PITPNM3: variants seen among roughly 807,000 people sequenced by gnomAD.
PITPNM3 encodes PITPNM family member 3, also known as membrane-associated phosphatidylinositol transfer protein 3.
PITPNM3 carries 26 observed loss-of-function variants against 102.0 expected under a neutral mutation model. The observed-to-expected ratio is 0.25, with a 90% CI of 0.19 to 0.35. The LOEUF (loss-of-function observed/expected upper bound fraction) is 0.35, where lower values mean the gene tolerates loss of function less well. PITPNM3 is among the 10% of genes least tolerant of loss of function. PITPNM3 has a pLI of 1.00. For missense variants in PITPNM3, 1,083 were observed against 1,346.1 expected, an observed-to-expected ratio of 0.80 and a Z score of 3.06; for synonymous variants, 578 against 558.6, an observed-to-expected ratio of 1.03 and a Z score of -0.49.
intron 1 of PITPNM3, among the ~76,000 whole-genome samples, chr17:6,543,080 T>C (rs1283196569): frequency 6.6e-6 from 1 of 152,142 alleles, no homozygotes; most frequent in East Asian, 1.9e-4. Context: ...ATATCCCAAC[T>C]CTTCTTCTAG....
intron 2 of PITPNM3, among the ~76,000 whole-genome samples, chr17:6,530,226 C>T (rs1909070296): frequency 6.6e-6 from 1 of 152,212 alleles, no homozygotes; most frequent in Admixed American, 6.5e-5. Context: ...CTTCTCTCAC[C>T]CTTGGGGTTG....
At chr17:6,543,901 G>A (rs1909866575) in intron 1 of PITPNM3, among the ~76,000 whole-genome samples, 1 of 152,220 alleles carries the variant, frequency 6.6e-6, no homozygotes, top group Non-Finnish European at 1.5e-5. Context: ...GAGGAAGGGA[G>A]AGACACAGGC....
At chr17:6,473,698 C>T (rs1418390707) in intron 10 of PITPNM3, among the ~76,000 whole-genome samples, 1 of 152,060 alleles carries the variant, frequency 6.6e-6, no homozygotes, top group Non-Finnish European at 1.5e-5. Context: ...AGGTATTAGC[C>T]GGGCACGGTG....
chr17:6,541,990 AAC>A (rs1364773015), intron 1 of PITPNM3, among the ~76,000 whole-genome samples: 1 of 152,236 alleles, frequency 6.6e-6, no homozygotes, highest in Non-Finnish European at 1.5e-5. Flanking sequence ...CAGCTAAGAA[AAC>A]AGAGCCTCAG....
chr17:6,534,166 C>A (rs1223313439), intron 2 of PITPNM3, among the ~76,000 whole-genome samples: 2 of 152,214 alleles, frequency 1.3e-5, no homozygotes, highest in Non-Finnish European at 1.5e-5. Context: ...TGTGGCCCCC[C>A]AGATATCCTG....
In PITPNM3 at chr17:6,468,689, TG is replaced by T. The variant is rs1379012558; in HGVS notation, c.1774-349del. On this transcript the variant is annotated intron_variant, in intron 13 of 19. Coordinates refer to ENST00000262483, the MANE Select transcript of PITPNM3 (RefSeq NM_031220.4). The surrounding 1 kb of genome is among the most constrained non-coding windows in gnomAD (Gnocchi z 5.2). The stretch of plus-strand genomic sequence containing the variant: ...TTGAGTCCTGATCCCAGCCCCTCCT[TG>T]CTTCTTGAGGACGTTGCTCCAGCCA... Among the ~76,000 whole-genome samples, 3 of 152,172 alleles carry T rather than the reference TG, an allele frequency of 2.0e-5. No individual in the cohort carries two copies. Among genetic ancestry groups the T allele is most frequent in the African/African-American group, 7.2e-5 (3 of 41,438 alleles).
intron 18 of PITPNM3, chr17:6,460,908 G>A (rs1377651540): frequency 1.5e-5 from 4 of 259,442 alleles, no homozygotes; most frequent in Non-Finnish European, 2.3e-5. Context: ...CACTTCTCCC[G>A]AGTTTCCGAG....
In PITPNM3 at chr17:6,490,620, T is replaced by G. The variant is rs563099713; in HGVS notation, c.275-6328A>C. Reference sequence around the variant, plus strand: ...TTGGCGTTGATTCCTAGGCAAGTCCTGGGGCAAATTAATAAACAAACGCTT... The same window carrying G: ...TTGGCGTTGATTCCTAGGCAAGTCCGGGGGCAAATTAATAAACAAACGCTT... On this transcript the variant is annotated intron_variant, in intron 4 of 19. Coordinates refer to ENST00000262483, the MANE Select transcript of PITPNM3 (RefSeq NM_031220.4). Among the ~76,000 whole-genome samples the G allele has an allele frequency of 3.3e-5, 5 of 152,106 alleles. No homozygotes were observed. The East Asian group carries it at 7.8e-4, about 24-fold the overall frequency.
At chr17:6,554,471 G>T (rs769128524) in intron 1 of PITPNM3, among the ~76,000 whole-genome samples, 11 of 152,158 alleles carry the variant, frequency 7.2e-5, no homozygotes, top group Non-Finnish European at 1.3e-4. Flanking sequence ...CTACAGACAC[G>T]GGGAATCTGT....
rs1913944814 is a variant in PITPNM3 at position 6,453,177 on chromosome 17, C to T, written c.*2161G>A. 1 of 151,968 alleles carries T rather than the reference C, an allele frequency of 6.6e-6. No individual in the cohort carries two copies. The highest frequency in any genetic ancestry group is 2.4e-5 in the African/African-American group (1 of 41,346). 9.4% of individuals were successfully genotyped at this position (151,968 alleles called of 1,614,324 possible). ...TCTTTCTCTCTCCCTCTCCCTCTCT[C>T]GCCTAGCCTGGGGTTCTCAGGGAAG... On this transcript the variant is annotated 3_prime_UTR_variant, in exon 20 of 20. Coordinates refer to ENST00000262483, the MANE Select transcript of PITPNM3 (RefSeq NM_031220.4).
chr17:6,505,535 G>A (rs1257205383), intron 3 of PITPNM3, among the ~76,000 whole-genome samples: 5 of 152,180 alleles, frequency 3.3e-5, no homozygotes, highest in African/African-American at 1.2e-4. Flanking sequence ...TGTTTCCCAG[G>A]TGCAACAGCA....
intron 1 of PITPNM3, among the ~76,000 whole-genome samples, chr17:6,553,620 T>C (rs990857313): frequency 1.2e-4 from 18 of 152,150 alleles, no homozygotes; most frequent in Non-Finnish European, 2.9e-5. Flanking sequence ...TCTCCGTGGG[T>C]GATCTACTGG....
At chr17:6,516,362 G>A (rs1908176533) in intron 3 of PITPNM3, among the ~76,000 whole-genome samples, 3 of 151,934 alleles carry the variant, frequency 2.0e-5, no homozygotes, top group Admixed American at 6.5e-5. Context: ...AGGAGATTGA[G>A]ACCATCCTGG....
chr17:6,496,262 C>T (rs1906808173), intron 4 of PITPNM3, among the ~76,000 whole-genome samples: 1 of 152,138 alleles, frequency 6.6e-6, no homozygotes, highest in African/African-American at 2.4e-5. Flanking sequence ...CCTAAGTGCT[C>T]TATGCAAATC....
At chr17:6,465,500 T>C (rs1009661225) in intron 14 of PITPNM3, among the ~76,000 whole-genome samples, 1 of 152,222 alleles carries the variant, frequency 6.6e-6, no homozygotes, top group Non-Finnish European at 1.5e-5. Context: ...TATCTGTCTT[T>C]TTTTTTAAGA....
rs543323783 is a variant in PITPNM3, at chr17:6,503,990, G to A, written c.227-416C>T. ...CCTCTGGCCCAGGCCTCTCCCCTTAGCTCTGGATCTGCATATCCCACTGCC... is the reference window on the plus strand; with the variant it reads ...CCTCTGGCCCAGGCCTCTCCCCTTAACTCTGGATCTGCATATCCCACTGCC... On this transcript the variant is annotated intron_variant, in intron 3 of 19. Transcript: ENST00000262483. Among the ~76,000 whole-genome samples the A allele has an allele frequency of 3.3e-5, 5 of 152,124 alleles. No homozygotes were observed. The South Asian group carries it at 1.0e-3, about 32-fold the overall frequency.
intron 1 of PITPNM3, among the ~76,000 whole-genome samples, chr17:6,547,722 T>C (rs796451441): frequency 5.5e-4 from 82 of 147,844 alleles, no homozygotes; most frequent in African/African-American, 1.9e-3. Flanking sequence ...CGCTGGGGTC[T>C]CTTTTCTTTT....
intron 3 of PITPNM3, among the ~76,000 whole-genome samples, chr17:6,518,703 G>A (rs142104625): frequency 6.6e-6 from 1 of 152,148 alleles, no homozygotes; most frequent in Non-Finnish European, 1.5e-5. Flanking sequence ...AAAGACCATC[G>A]AAATAGGTAA....
At chr17:6,484,939 C>A (rs1317025665) in intron 4 of PITPNM3, among the ~76,000 whole-genome samples, 1 of 152,146 alleles carries the variant, frequency 6.6e-6, no homozygotes. Flanking sequence ...CTGCCTCACA[C>A]ATCAGCACTC....
Sources: allele counts gnomAD v4.1 joint callset (sites outside exome capture counted in the v4.1 genomes callset), GRCh38; gene constraint gnomAD v4.1.1; non-coding constraint Gnocchi (gnomAD v3.1); transcripts MANE v1.5; gene names NCBI Gene and HGNC (gene_info 2026-07-23, HGNC 2026-07-21).